Variants in RASGEF1B observed in about 807,000 individuals in gnomAD.
The protein encoded by RASGEF1B is ras-GEF domain-containing family member 1B.
A neutral mutation model predicts 65.7 loss-of-function variants in RASGEF1B; 30 were observed. The observed-to-expected ratio is 0.46, with a 90% CI of 0.34 to 0.62. The LOEUF is 0.62. Among genes scored for constraint, RASGEF1B ranks in the 20% least tolerant of loss-of-function variants. The pLI is 0.01. For synonymous variants in RASGEF1B, 175 were observed against 194.8 expected, an observed-to-expected ratio of 0.90 and a Z score of 0.85; for missense variants, 495 against 580.1, an observed-to-expected ratio of 0.85 and a Z score of 1.51.
intron 1 of RASGEF1B, among the ~76,000 whole-genome samples, chr4:81,466,495 C>T (rs1024609768): frequency 1.3e-5 from 2 of 152,002 alleles, no homozygotes; most frequent in Admixed American, 6.6e-5. Context: ...CGCGGTGGCT[C>T]ACGCCTGTAA....
chr4:81,432,367 G>A lies in RASGEF1B; in HGVS notation c.1329C>T (p.Leu443=), dbSNP rs780541857. Residue 443 remains leucine (L), a synonymous_variant, in exon 13 of 14, where the codon CTC becomes CTT. Coordinates refer to ENST00000264400, the MANE Select transcript of RASGEF1B (RefSeq NM_152545.3). ...CTTCACTCTCATAAGAAGCCAAGTAGAGAGCTACAATCAAACAAAAGAAAG... is the reference window on the plus strand; with the variant it reads ...CTTCACTCTCATAAGAAGCCAAGTAAAGAGCTACAATCAAACAAAAGAAAG... The part of the protein sequence containing the change: ...LTVPVFSEDA[L]YLASYESEGP... The A allele has an allele frequency of 1.1e-5, 18 of 1,601,988 alleles. No individual in the cohort carries two copies. The South Asian group carries it at 1.9e-4, about 17-fold the overall frequency.
chr4:81,466,771 A>AAAAAGAAAGAAAG (rs1722834442), intron 1 of RASGEF1B, among the ~76,000 whole-genome samples: 2 of 26,732 alleles, frequency 7.5e-5, no homozygotes, highest in Non-Finnish European at 1.6e-4. Context: ...AAAAAAAAAA[A>AAAAAGAAAGAAAG]AAGAAAGAAA....
At chr4:81,442,204 G>T in intron 9 of RASGEF1B, 93 bp downstream of exon 9, 1 of 844,504 alleles carries the variant, frequency 1.2e-6, no homozygotes, top group Non-Finnish European at 2.0e-6. Flanking sequence ...TTTTTCCTCT[G>T]TCGTAGTCTG....
intron 6 of RASGEF1B, 130 bp downstream of exon 6, chr4:81,447,374 G>T: frequency 1.4e-6 from 1 of 696,712 alleles, no homozygotes. Context: ...CGTGGCTGAT[G>T]GAAAAAAAAA....
chr4:81,436,605 C>T (rs921154531), intron 10 of RASGEF1B, among the ~76,000 whole-genome samples: 2 of 152,062 alleles, frequency 1.3e-5, no homozygotes, highest in African/African-American at 2.4e-5. Flanking sequence ...TTTAAAGATC[C>T]TAAATTTCCT....
At chr4:81,438,044 C>G (rs1375754484) in intron 10 of RASGEF1B, among the ~76,000 whole-genome samples, 1 of 152,128 alleles carries the variant, frequency 6.6e-6, no homozygotes, top group Non-Finnish European at 1.5e-5. Flanking sequence ...AGAGACCCAG[C>G]AACTGCACCA....
intron 1 of RASGEF1B, among the ~76,000 whole-genome samples, chr4:81,468,760 T>C (rs1276022503): frequency 4.6e-5 from 7 of 152,222 alleles, no homozygotes. Context: ...GCAAATCACT[T>C]GTCCCTTCAT....
chr4:81,457,838 C>T (rs1165797093), intron 2 of RASGEF1B, among the ~76,000 whole-genome samples: 1 of 152,108 alleles, frequency 6.6e-6, no homozygotes, highest in African/African-American at 2.4e-5. Flanking sequence ...AACAGAAGTA[C>T]AGGATAAGTT....
chr4:81,468,009 A>G (rs570649432), intron 1 of RASGEF1B, among the ~76,000 whole-genome samples: 1 of 152,278 alleles, frequency 6.6e-6, no homozygotes, highest in South Asian at 2.1e-4. Flanking sequence ...CAACTGAAAA[A>G]CTAAATTTTA....
intron 4 of RASGEF1B, chr4:81,456,270 T>A: frequency 1.8e-6 from 1 of 549,966 alleles, no homozygotes; most frequent in Non-Finnish European, 3.2e-6. Context: ...AGAATAATGT[T>A]ATTTACTTTG....
At chr4:81,435,365 T>C (rs1226328621) in intron 10 of RASGEF1B, among the ~76,000 whole-genome samples, 2 of 140,292 alleles carry the variant, frequency 1.4e-5, no homozygotes, top group Non-Finnish European at 3.0e-5. Flanking sequence ...GAGCCGAGAT[T>C]GCGCCACTGC....
chr4:81,444,112 T>G (rs775915969), intron 8 of RASGEF1B, among the ~76,000 whole-genome samples: 4 of 152,056 alleles, frequency 2.6e-5, no homozygotes, highest in Admixed American at 6.5e-5. Flanking sequence ...TTCAGTCTTT[T>G]GGCCTTTTTT....
At chr4:81,450,483 A>G (rs939473568) in intron 4 of RASGEF1B, among the ~76,000 whole-genome samples, 2 of 152,146 alleles carry the variant, frequency 1.3e-5, no homozygotes, top group African/African-American at 4.8e-5. Flanking sequence ...CTCGTGCCTC[A>G]GCCTCCTGAA....
intron 10 of RASGEF1B, among the ~76,000 whole-genome samples, chr4:81,436,406 G>T (rs752182506): frequency 6.6e-6 from 1 of 152,138 alleles, no homozygotes; most frequent in Non-Finnish European, 1.5e-5. Flanking sequence ...ATTAATAGCT[G>T]TTTAAAAACA....
rs938972124 is a variant in RASGEF1B, at chr4:81,445,641, A to G, written c.826-13T>C. On this transcript the variant is annotated splice_polypyrimidine_tract_variant and intron_variant, in intron 7 of 13. Transcript: ENST00000264400. ...TTTTCTTAACAGGCTACACAGTAAA[A>G]GACAATAGAGGGCAGTTATCCAGTA... 6.2e-7 allele frequency: 1 copy of G among 1,602,928 alleles called. No homozygotes were observed. Among genetic ancestry groups the G allele is most frequent in the African/African-American group, 1.3e-5 (1 of 74,770 alleles).
intron 3 of RASGEF1B, 86 bp downstream of exon 3, chr4:81,457,413 G>A: frequency 7.2e-7 from 1 of 1,382,082 alleles, no homozygotes; most frequent in Non-Finnish European, 1.0e-6. Context: ...CTGGGGATAA[G>A]CCAGGGTTAC....
At position 81,426,834 on chromosome 4, in the gene RASGEF1B, G is replaced by A. The variant is rs557435883; in HGVS notation, c.*934C>T. On this transcript the variant is annotated 3_prime_UTR_variant, in exon 14 of 14. Transcript: ENST00000264400. ...CGATTAAAAAGAAAATTGTAATTAT[G>A]CCATGGGTTTTCCCAAGATCCTTAA... The A allele has an allele frequency of 1.3e-5, 2 of 151,948 alleles. No individual in the cohort carries two copies. Among genetic ancestry groups the A allele is most frequent in the African/African-American group, 4.8e-5 (2 of 41,374 alleles). The allele number at this position is 151,948 out of a possible 1,614,324, so 9.4% of individuals were successfully genotyped here. A position where few individuals can be genotyped will look rare whatever the true frequency, so the allele number is the denominator to read the frequency against.
intron 1 of RASGEF1B, among the ~76,000 whole-genome samples, chr4:81,467,485 A>T (rs927469930): frequency 1.3e-5 from 2 of 152,214 alleles, no homozygotes; most frequent in African/African-American, 4.8e-5. Context: ...AACTGAACCC[A>T]GGACATATTG....
intron 3 of RASGEF1B, among the ~76,000 whole-genome samples, chr4:81,457,165 C>T (rs1474407576): frequency 1.3e-5 from 2 of 152,060 alleles, no homozygotes; most frequent in South Asian, 2.1e-4. Context: ...TACAGGCATG[C>T]GCCACCAGGG....
Sources: gnomAD v4.1 joint callset for allele counts (sites outside exome capture counted in the v4.1 genomes callset) on GRCh38, gnomAD v4.1.1 for gene constraint, MANE v1.5 for transcripts, NCBI Gene and HGNC (gene_info 2026-07-23, HGNC 2026-07-21) for gene names.